Variants in TLE3 observed in about 807,000 individuals in gnomAD.
The protein encoded by TLE3 is TLE family member 3, transcriptional corepressor.
TLE3 carries 14 observed loss-of-function variants against 93.0 expected under a neutral mutation model. The observed-to-expected ratio is 0.15, with a 90% CI of 0.10 to 0.24. TLE3 has a LOEUF of 0.24. TLE3 is among the 10% of genes least tolerant of loss of function. The pLI is 1.00. For synonymous variants in TLE3, 451 were observed against 425.0 expected, an observed-to-expected ratio of 1.06 and a Z score of -0.75; for missense variants, 693 against 1,046.6, an observed-to-expected ratio of 0.66 and a Z score of 4.66.
intron 16 of TLE3, chr15:70,053,630 T>G: frequency 8.8e-6 from 3 of 339,024 alleles, no homozygotes; most frequent in South Asian, 5.7e-5. Context: ...AAAAGGGACC[T>G]TGCACTAGCC....
chr15:70,053,470 G>C, intron 16 of TLE3, 96 bp from the exon 17 acceptor site: 2 of 1,429,182 alleles, frequency 1.4e-6, no homozygotes, highest in Non-Finnish European at 1.9e-6. Flanking sequence ...AGAGAAAACT[G>C]AGGCCCAGAA....
intron 8 of TLE3, among the ~76,000 whole-genome samples, chr15:70,061,210 G>A (rs1280050365): frequency 3.3e-5 from 5 of 152,046 alleles, no homozygotes; most frequent in African/African-American, 4.8e-5. Context: ...GAACACCCCC[G>A]CCTCCACGGT....
chr15:70,094,921 C>A (rs553720764), intron 3 of TLE3: 200 of 239,954 alleles, frequency 8.3e-4, no homozygotes, highest in African/African-American at 4.4e-3. Context: ...AGTTATTTAG[C>A]ACTGTGTCGA....
intron 1 of TLE3, 42 bp downstream of exon 1, chr15:70,096,733 G>T (rs760299979): frequency 1.2e-6 from 2 of 1,610,206 alleles, no homozygotes; most frequent in Admixed American, 3.4e-5. Flanking sequence ...CGTTTACCCT[G>T]CCATGATAGA....
rs750790888 is a variant in TLE3, at chr15:70,097,811, C to T, written c.-1013G>A. On this transcript the variant is annotated 5_prime_UTR_variant, in exon 1 of 20. It adds an upstream start codon to the 5' untranslated region. Coordinates refer to ENST00000451782, the MANE Select transcript of TLE3 (RefSeq NM_001105192.3). ...ACACACGCGCGCACGCACACACACA[C>T]ACACCAAAAAAAAAAGTGCCCCGGA... is the stretch of plus-strand genomic sequence containing the variant. The T allele has an allele frequency of 4.1e-6, 1 of 242,800 alleles. No homozygotes were observed. The highest frequency in any genetic ancestry group is 6.5e-6 in the Non-Finnish European group (1 of 154,382). The allele number at this position is 242,800 out of a possible 1,614,324, so 15.0% of individuals were successfully genotyped here. A position where few individuals can be genotyped will look rare whatever the true frequency, so the allele number is the denominator to read the frequency against.
In TLE3 at chr15:70,058,404, C is replaced by T. The variant is rs2056231085; in HGVS notation, c.919-113G>A. 1.3e-6 allele frequency: 2 copies of T among 1,488,484 alleles called. No individual in the cohort carries two copies. The highest frequency in any genetic ancestry group is 4.5e-5 in the Admixed American group (2 of 44,354). 92.2% of individuals were successfully genotyped at this position (1,488,484 alleles called of 1,614,324 possible). ...AGCCCAGAGCCAGACCCTTATGAAG[C>T]TTCTGCCGAACAGCCTCTCAATCCT... On this transcript the variant is annotated intron_variant, in intron 11 of 19. Coordinates refer to ENST00000451782, the MANE Select transcript of TLE3 (RefSeq NM_001105192.3). The surrounding 1 kb of genome is among the most constrained non-coding windows in gnomAD (Gnocchi z 4.1).
chr15:70,094,145 AAGG>A (rs1315327144), intron 4 of TLE3, among the ~76,000 whole-genome samples: 2 of 152,162 alleles, frequency 1.3e-5, no homozygotes, highest in East Asian at 1.9e-4. Context: ...AGAAAAAAAA[AAGG>A]AGAAAGAAAA....
chr15:70,063,482 C>T (rs1479608581), intron 8 of TLE3, among the ~76,000 whole-genome samples: 1 of 152,152 alleles, frequency 6.6e-6, no homozygotes, highest in Non-Finnish European at 1.5e-5. Flanking sequence ...AAAAGTCAGC[C>T]TGGGTAGGGG....
Position 70,097,002 on chromosome 15 carries a change from G to A in TLE3, c.-204C>T, listed in dbSNP as rs906843842. 12 of 651,808 alleles carry A rather than the reference G, an allele frequency of 1.8e-5. No homozygotes were observed. Among genetic ancestry groups the A allele is most frequent in the Non-Finnish European group, 3.1e-5 (12 of 382,932 alleles). The allele number at this position is 651,808 out of a possible 1,614,324, so 40.4% of individuals were successfully genotyped here. A position where few individuals can be genotyped will look rare whatever the true frequency, so the allele number is the denominator to read the frequency against. On this transcript the variant is annotated 5_prime_UTR_variant, in exon 1 of 20. Coordinates refer to ENST00000451782, the MANE Select transcript of TLE3 (RefSeq NM_001105192.3). ...GAGACAAAGAGCCGCGGAGCAGGCG[G>A]CAAAGTCGTCGGCGGGCGCCGGGGC...
intron 2 of TLE3, chr15:70,095,938 G>C: frequency 1.5e-6 from 1 of 658,778 alleles, no homozygotes; most frequent in Non-Finnish European, 2.5e-6. Context: ...CCGCGACCTA[G>C]ACCCTCATTC....
chr15:70,080,503 T>C lies in TLE3; in HGVS notation c.235-4345A>G, dbSNP rs1367256703. Among the ~76,000 whole-genome samples, 3 of 152,268 alleles carry C rather than the reference T, an allele frequency of 2.0e-5. No individual in the cohort carries two copies. The East Asian group carries it at 5.8e-4, about 29-fold the overall frequency. ...GACAGAGGTCCTGCTACATCCGGAA[T>C]CTGCACTACCAACTGGGCGCTGGGA... On this transcript the variant is annotated intron_variant, in intron 4 of 19. Transcript: ENST00000451782.
intron 6 of TLE3, among the ~76,000 whole-genome samples, chr15:70,072,123 A>T (rs2057213519): frequency 6.6e-6 from 1 of 152,110 alleles, no homozygotes; most frequent in Non-Finnish European, 1.5e-5. Context: ...AGAAGCAATT[A>T]CCTTGAAAAT....
In TLE3 at chr15:70,050,211, G is replaced by A. The variant is rs888628317; in HGVS notation, c.2203-7C>T. ...CAGACGAGGATTCTTTAGACTGGAG[G>A]AGGAAGACGAGGAGAAGCAGCAGGA... On this transcript the variant is annotated splice_polypyrimidine_tract_variant and splice_region_variant and intron_variant, in intron 19 of 19. Transcript: ENST00000451782. 4.7e-5 allele frequency: 76 copies of A among 1,608,546 alleles called. 1 individual carries two copies. Among genetic ancestry groups the A allele is most frequent in the Non-Finnish European group, 6.2e-5 (73 of 1,175,054 alleles).
At chr15:70,076,664 C>T (rs547115667) in intron 4 of TLE3, among the ~76,000 whole-genome samples, 36 of 152,262 alleles carry the variant, frequency 2.4e-4, no homozygotes, top group African/African-American at 8.2e-4. Context: ...TCACCAAGAT[C>T]AATCCCTCCC....
At chr15:70,068,257 T>G (rs377528401) in intron 6 of TLE3, among the ~76,000 whole-genome samples, 54 of 152,388 alleles carry the variant, frequency 3.5e-4, no homozygotes, top group African/African-American at 1.2e-3. Context: ...TATGAAAATC[T>G]ACACATTTCA....
intron 6 of TLE3, 101 bp from the exon 7 acceptor site, chr15:70,066,319 G>T: frequency 9.1e-7 from 1 of 1,104,962 alleles, no homozygotes; most frequent in South Asian, 1.8e-5. Context: ...CATTCCTCTT[G>T]CTCCTTCACT....
At chr15:70,080,148 AACTC>A (rs2057694066) in intron 4 of TLE3, among the ~76,000 whole-genome samples, 1 of 152,136 alleles carries the variant, frequency 6.6e-6, no homozygotes, top group African/African-American at 2.4e-5. Context: ...TATGTTGGAA[AACTC>A]CTTTTGGCAA....
At position 70,058,909 on chromosome 15, in the gene TLE3, A is replaced by ATG. The variant is rs1424244419; in HGVS notation, c.766-96_766-95dup. 15 of 1,423,676 alleles carry ATG rather than the reference A, an allele frequency of 1.1e-5. No homozygotes were observed. The highest frequency in any genetic ancestry group is 1.4e-5 in the Non-Finnish European group (15 of 1,087,002). The allele number at this position is 1,423,676 out of a possible 1,614,324, so 88.2% of individuals were successfully genotyped here. A position where few individuals can be genotyped will look rare whatever the true frequency, so the allele number is the denominator to read the frequency against. Reference sequence around the variant, plus strand: ...AGTGGGAAGAGAGAGGGCATGGGCGATGGGAAGACGAGCTTGGCTGAAAGA... The same window carrying ATG: ...AGTGGGAAGAGAGAGGGCATGGGCGATGTGGGAAGACGAGCTTGGCTGAAAGA... On this transcript the variant is annotated intron_variant, in intron 10 of 19. Transcript: ENST00000451782. The surrounding 1 kb of genome is among the most constrained non-coding windows in gnomAD (Gnocchi z 4.1).
chr15:70,070,790 G>A (rs1230479946), intron 6 of TLE3, among the ~76,000 whole-genome samples: 1 of 152,154 alleles, frequency 6.6e-6, no homozygotes, highest in Non-Finnish European at 1.5e-5. Flanking sequence ...CATTCTCTTG[G>A]CCATCCTTTC....
Sources: allele counts gnomAD v4.1 joint callset (sites outside exome capture counted in the v4.1 genomes callset), GRCh38; gene constraint gnomAD v4.1.1; non-coding constraint Gnocchi (gnomAD v3.1); transcripts MANE v1.5; gene names NCBI Gene and HGNC (gene_info 2026-07-23, HGNC 2026-07-21).